BRD7: variants seen among roughly 807,000 people sequenced by gnomAD.
BRD7 encodes bromodomain-containing protein 7.
BRD7 carries 15 observed loss-of-function variants against 82.1 expected under a neutral mutation model. That is an observed-to-expected ratio of 0.18 (90% CI 0.12 to 0.28). The LOEUF is 0.28. Ranked by LOEUF, BRD7 falls within the 10% of genes least tolerant of loss-of-function variation. The pLI is 1.00. For missense variants in BRD7, 638 were observed against 779.9 expected (o/e 0.82, Z 2.17); for synonymous variants, 232 against 266.9 (o/e 0.87, Z 1.27).
chr16:50,357,038 T>A (rs974998301), intron 2 of BRD7, among the ~76,000 whole-genome samples: 2 of 150,518 alleles, frequency 1.3e-5, no homozygotes, highest in African/African-American at 5.0e-5. Context: ...TTATTTAGGA[T>A]TTTGCAAGAA....
At chr16:50,357,886 C>A (rs1027060958) in intron 2 of BRD7, among the ~76,000 whole-genome samples, 2 of 151,940 alleles carry the variant, frequency 1.3e-5, no homozygotes, top group African/African-American at 4.8e-5. Context: ...GAGGCTGAGG[C>A]AGGAGAATCG....
chr16:50,361,781 A>T (rs143515497), intron 2 of BRD7: 1 of 152,180 alleles, frequency 6.6e-6, no homozygotes, highest in African/African-American at 2.4e-5. Context: ...TGTGTTTAAA[A>T]AGAGACTTAC....
Position 50,320,310 on chromosome 16 carries a change from C to T in BRD7, c.1694G>A (p.Ser565Asn). ...GATCATGTTCGGAGGGGGTCTGGTGCTCAAACGTTCATTCTGGGCTTCCTG... is the reference window on the plus strand; with the variant it reads ...GATCATGTTCGGAGGGGGTCTGGTGTTCAAACGTTCATTCTGGGCTTCCTG... The part of the protein sequence containing the change: ...ELQEAQNERL[S>N]TRPPPNMICL... The change falls in exon 15 of 17, where the codon AGC (serine) becomes AAC (asparagine). Residue 565 changes from serine (S) to asparagine (N), a missense_variant. Ser to Asn is a conservative substitution (Grantham distance 46). Coordinates refer to ENST00000394688, the MANE Select transcript of BRD7 (RefSeq NM_013263.5). The T allele has an allele frequency of 6.2e-7, 1 of 1,614,174 alleles. No homozygotes were observed. Among genetic ancestry groups the T allele is most frequent in the Non-Finnish European group, 8.5e-7 (1 of 1,180,030 alleles).
chr16:50,342,284 T>C (rs1188210195), intron 5 of BRD7, among the ~76,000 whole-genome samples: 2 of 152,094 alleles, frequency 1.3e-5, no homozygotes, highest in Non-Finnish European at 2.9e-5. Context: ...AGATAAAAAG[T>C]TGGGAAAAGT....
rs1376470730 is a variant in BRD7, at chr16:50,319,162, T to TAAGA, written c.*45_*48dup. 7.0e-7 allele frequency: 1 copy of TAAGA among 1,426,030 alleles called. No homozygotes were observed. Among genetic ancestry groups the TAAGA allele is most frequent in the African/African-American group, 1.5e-5 (1 of 68,788 alleles). The allele number at this position is 1,426,030 out of a possible 1,614,324, so 88.3% of individuals were successfully genotyped here. On this transcript the variant is annotated 3_prime_UTR_variant, in exon 17 of 17. Coordinates refer to ENST00000394688, the MANE Select transcript of BRD7 (RefSeq NM_013263.5). ...TATCTTCTGAAAAGCATTTCTAAGT[T>TAAGA]AAGAATGAAAAAGTATGTACATAAT...
chr16:50,342,611 C>T (rs559308448), intron 5 of BRD7, among the ~76,000 whole-genome samples: 2 of 152,032 alleles, frequency 1.3e-5, no homozygotes, highest in East Asian at 3.9e-4. Context: ...TCAGTAGAGA[C>T]GGGGTTTCAC....
chr16:50,330,337 CTTTT>C (rs11360309), intron 8 of BRD7, among the ~76,000 whole-genome samples: 5 of 53,946 alleles, frequency 9.3e-5, no homozygotes, highest in Admixed American at 1.9e-4. Flanking sequence ...AAAGAGGACA[CTTTT>C]TTTTTTTTTT....
intron 11 of BRD7, among the ~76,000 whole-genome samples, chr16:50,323,953 T>C (rs2037227667): frequency 6.6e-6 from 1 of 152,206 alleles, no homozygotes; most frequent in African/African-American, 2.4e-5. Context: ...CCCTGGATCT[T>C]CTGCTCCCCG....
At chr16:50,342,607 G>C (rs973091128) in intron 5 of BRD7, among the ~76,000 whole-genome samples, 1 of 152,014 alleles carries the variant, frequency 6.6e-6, no homozygotes. Context: ...ATTTTCAGTA[G>C]AGACGGGGTT....
intron 11 of BRD7, among the ~76,000 whole-genome samples, chr16:50,324,702 A>G (rs1353251515): frequency 1.3e-5 from 2 of 152,154 alleles, no homozygotes; most frequent in Non-Finnish European, 2.9e-5. Flanking sequence ...GACCGATTTA[A>G]AAGTGCATCC....
At chr16:50,365,787 G>GA (rs1389435227) in intron 2 of BRD7, among the ~76,000 whole-genome samples, 1 of 151,018 alleles carries the variant, frequency 6.6e-6, no homozygotes, top group Non-Finnish European at 1.5e-5. Context: ...CACACACCCA[G>GA]AAAAAATATG....
At chr16:50,326,021 A>T (rs1216615275) in intron 10 of BRD7, 138 bp from the exon 11 acceptor site, 7 of 938,264 alleles carry the variant, frequency 7.5e-6, no homozygotes, top group Non-Finnish European at 1.1e-5. Context: ...ATTTTCTCTC[A>T]AACAGGTACT....
chr16:50,368,559 C>T, intron 1 of BRD7, 167 bp downstream of exon 1: 2 of 758,080 alleles, frequency 2.6e-6, no homozygotes, highest in Non-Finnish European at 3.9e-6. Context: ...TCGAATGCCG[C>T]GGCCGCACGG....
rs746310293 is a variant in BRD7 at position 50,368,082 on chromosome 16, A to C, written c.258+8T>G. On this transcript the variant is annotated splice_region_variant and intron_variant, in intron 2 of 16. Transcript: ENST00000394688. Reference sequence around the variant, plus strand: ...TCCGCAAAGCCAAAGCAATGTAACCACTTGTACCTTAACTCTTCTCCGTTT... The same window carrying C: ...TCCGCAAAGCCAAAGCAATGTAACCCCTTGTACCTTAACTCTTCTCCGTTT... The C allele has an allele frequency of 1.2e-6, 2 of 1,613,772 alleles. No individual in the cohort carries two copies. Among genetic ancestry groups the C allele is most frequent in the Middle Eastern group, 3.3e-4 (2 of 6,056 alleles).
intron 5 of BRD7, among the ~76,000 whole-genome samples, chr16:50,341,187 CACACACACACACACACACACACA>C (rs1322270731): frequency 1.1e-5 from 1 of 87,186 alleles, no homozygotes; most frequent in Non-Finnish European, 2.1e-5. Context: ...TACACACACA[CACACACACACACACACACACACA>C]CACACACACA....
intron 5 of BRD7, among the ~76,000 whole-genome samples, chr16:50,342,595 G>A (rs1272474444): frequency 6.7e-6 from 1 of 148,614 alleles, no homozygotes; most frequent in Non-Finnish European, 1.5e-5. Context: ...CAATTTTTTT[G>A]TATTTTCAGT....
At chr16:50,344,523 AG>A (rs1376610187) in intron 5 of BRD7, among the ~76,000 whole-genome samples, 3 of 152,238 alleles carry the variant, frequency 2.0e-5, no homozygotes, top group Non-Finnish European at 2.9e-5. Context: ...CCTTGAAAAA[AG>A]ATTAGACGAA....
intron 10 of BRD7, 146 bp from the exon 11 acceptor site, chr16:50,326,029 A>C: frequency 1.1e-6 from 1 of 905,154 alleles, no homozygotes; most frequent in Non-Finnish European, 1.6e-6. Context: ...TCAAACAGGT[A>C]CTTGTAAAGT....
At chr16:50,367,988 T>TA (rs1472192804) in intron 2 of BRD7, 102 bp downstream of exon 2, 9 of 1,179,430 alleles carry the variant, frequency 7.6e-6, no homozygotes, top group Non-Finnish European at 1.1e-5. Flanking sequence ...AGCCAGATCT[T>TA]AGAGGCGTTT....
Sources: gnomAD v4.1 joint callset for allele counts (sites outside exome capture counted in the v4.1 genomes callset) on GRCh38, gnomAD v4.1.1 for gene constraint, MANE v1.5 for transcripts, NCBI Gene and HGNC (gene_info 2026-07-23, HGNC 2026-07-21) for gene names.